XKR4: variants seen among roughly 807,000 people sequenced by gnomAD.
XKR4 encodes the protein XK-related protein 4.
A neutral mutation model predicts 53.9 loss-of-function variants in XKR4; 12 were observed. That is an observed-to-expected ratio of 0.22 (90% CI 0.14 to 0.36). The LOEUF is 0.36. Among genes scored for constraint, XKR4 ranks in the 10% least tolerant of loss-of-function variants. The pLI is 1.00. For missense variants in XKR4, 799 were observed against 859.5 expected (o/e 0.93, Z 0.88); for synonymous variants, 354 against 362.4 (o/e 0.98, Z 0.26).
intron 2 of XKR4, among the ~76,000 whole-genome samples, chr8:55,514,512 C>T (rs577782203): frequency 6.6e-6 from 1 of 152,242 alleles, no homozygotes; most frequent in Non-Finnish European, 1.5e-5. Flanking sequence ...CCGCCTCGGC[C>T]TCCCAAAGCA....
At chr8:55,401,729 T>C (rs1244012792) in intron 2 of XKR4, among the ~76,000 whole-genome samples, 2 of 152,200 alleles carry the variant, frequency 1.3e-5, no homozygotes, top group East Asian at 3.9e-4. Context: ...TCACAAGTGT[T>C]TTGTGATCAG....
chr8:55,114,549 G>A (rs1410284001), intron 1 of XKR4, among the ~76,000 whole-genome samples: 1 of 152,120 alleles, frequency 6.6e-6, no homozygotes, highest in East Asian at 1.9e-4. Context: ...CCAAGCAAAG[G>A]CCAGAAATAA....
chr8:55,301,269 G>A (rs953344292), intron 1 of XKR4, among the ~76,000 whole-genome samples: 20 of 151,374 alleles, frequency 1.3e-4, no homozygotes, highest in African/African-American at 4.9e-4. Flanking sequence ...CCTTGGGATA[G>A]TTTGCTGAGA....
At chr8:55,149,981 T>A (rs952076093) in intron 1 of XKR4, among the ~76,000 whole-genome samples, 2 of 152,236 alleles carry the variant, frequency 1.3e-5, no homozygotes, top group African/African-American at 4.8e-5. Context: ...GGGGAAAACC[T>A]GCTCTTCAAG....
At chr8:55,211,555 CT>C (rs1374830515) in intron 1 of XKR4, among the ~76,000 whole-genome samples, 1 of 152,146 alleles carries the variant, frequency 6.6e-6, no homozygotes, top group Non-Finnish European at 1.5e-5. Context: ...GTTTCTCTGT[CT>C]TTTAATAATT....
intron 2 of XKR4, among the ~76,000 whole-genome samples, chr8:55,445,338 T>C (rs966942875): frequency 2.1e-4 from 32 of 152,204 alleles, no homozygotes; most frequent in Non-Finnish European, 5.9e-5. Flanking sequence ...ATTACAGGTG[T>C]GAGCCACCAT....
At chr8:55,356,591 A>ACCAT (rs1803799231) in intron 1 of XKR4, among the ~76,000 whole-genome samples, 1 of 50,604 alleles carries the variant, frequency 2.0e-5, no homozygotes, top group African/African-American at 2.3e-4. Context: ...TTAAGAAATT[A>ACCAT]CTATATTTGT....
chr8:55,237,467 T>C (rs1229882308), intron 1 of XKR4, among the ~76,000 whole-genome samples: 1 of 152,176 alleles, frequency 6.6e-6, no homozygotes, highest in Non-Finnish European at 1.5e-5. Context: ...TTGCTATTCA[T>C]TGAGTGGAAG....
chr8:55,422,313 A>T (rs1475446417), intron 2 of XKR4, among the ~76,000 whole-genome samples: 1 of 152,260 alleles, frequency 6.6e-6, no homozygotes, highest in Non-Finnish European at 1.5e-5. Context: ...CACTGCACAA[A>T]TAAAGGCATA....
chr8:55,286,424 C>A (rs915219372), intron 1 of XKR4, among the ~76,000 whole-genome samples: 2 of 152,172 alleles, frequency 1.3e-5, no homozygotes, highest in African/African-American at 4.8e-5. Context: ...AGACACCCTT[C>A]GAAGGCATTG....
chr8:55,386,055 G>A (rs932233235), intron 2 of XKR4, among the ~76,000 whole-genome samples: 1 of 152,178 alleles, frequency 6.6e-6, no homozygotes, highest in Middle Eastern at 3.2e-3. Context: ...CTGAAGCCCT[G>A]TGAAATGGAA....
At chr8:55,376,909 CCT>C (rs1252331072) in intron 2 of XKR4, among the ~76,000 whole-genome samples, 2 of 150,758 alleles carry the variant, frequency 1.3e-5, no homozygotes, top group Admixed American at 6.6e-5. Flanking sequence ...TCTGTCTCTA[CCT>C]CTCTCTCCAT....
chr8:55,290,889 A>T (rs1460998701), intron 1 of XKR4, among the ~76,000 whole-genome samples: 1 of 152,108 alleles, frequency 6.6e-6, no homozygotes, highest in Non-Finnish European at 1.5e-5. Flanking sequence ...TTTAATTTTT[A>T]TGTCACCTAA....
intron 1 of XKR4, among the ~76,000 whole-genome samples, chr8:55,311,829 C>CAAAAAAAAAAAAAA (rs57826022): frequency 1.8e-4 from 18 of 98,558 alleles, no homozygotes; most frequent in African/African-American, 5.8e-4. Context: ...TGTAATTTAG[C>CAAAAAAAAAAAAAA]AAAAAAAAAA....
intron 1 of XKR4, among the ~76,000 whole-genome samples, chr8:55,350,219 A>C (rs1188691297): frequency 1.3e-5 from 2 of 152,190 alleles, no homozygotes; most frequent in South Asian, 4.1e-4. Flanking sequence ...ATCCTGAGTG[A>C]ATTTGTGCGT....
At chr8:55,444,554 G>A (rs2622591) in intron 2 of XKR4, among the ~76,000 whole-genome samples, 19,457 of 152,174 alleles carry the variant, frequency 0.13, 1,799 homozygotes, top group East Asian at 0.41. Flanking sequence ...TTTCACAGAA[G>A]AGGAAATACA....
intron 1 of XKR4, among the ~76,000 whole-genome samples, chr8:55,247,475 A>T (rs1169116862): frequency 2.6e-5 from 4 of 152,238 alleles, no homozygotes. Flanking sequence ...CGTCATCATC[A>T]TTAATTTACC....
At chr8:55,239,069 T>C (rs1818172872) in intron 1 of XKR4, among the ~76,000 whole-genome samples, 1 of 152,236 alleles carries the variant, frequency 6.6e-6, no homozygotes, top group African/African-American at 2.4e-5. Flanking sequence ...TTTTATTTTT[T>C]CATATTAACC....
At chr8:55,211,775 G>A (rs1016330469) in intron 1 of XKR4, among the ~76,000 whole-genome samples, 1 of 152,156 alleles carries the variant, frequency 6.6e-6, no homozygotes, top group Admixed American at 6.5e-5. Flanking sequence ...CATTGTCTTT[G>A]TCATTGAAAA....
Sources: gnomAD v4.1 joint callset for allele counts (sites outside exome capture counted in the v4.1 genomes callset) on GRCh38, gnomAD v4.1.1 for gene constraint, MANE v1.5 for transcripts, NCBI Gene and HGNC (gene_info 2026-07-23, HGNC 2026-07-21) for gene names.